MB: variants seen among roughly 807,000 people sequenced by gnomAD.
MB encodes nitrite reductase MB.
MB carries 10 observed loss-of-function variants against 14.5 expected under a neutral mutation model. The observed-to-expected ratio is 0.69, with a 90% CI of 0.43 to 1.17. The LOEUF is 1.17. MB is among the 50% of genes most tolerant of loss of function. The pLI, the probability that MB is intolerant of heterozygous loss-of-function variation, is 0.00. For missense variants in MB, 169 were observed against 192.7 expected, an observed-to-expected ratio of 0.88 and a Z score of 0.73; for synonymous variants, 89 against 78.6, an observed-to-expected ratio of 1.13 and a Z score of -0.70.
upstream of MB, among the ~76,000 whole-genome samples, chr22:35,618,327 C>A (rs1265350109): frequency 6.6e-6 from 1 of 152,212 alleles, no homozygotes; most frequent in Non-Finnish European, 1.5e-5. Flanking sequence ...TTGGGCCTCA[C>A]ATGGTGCTTT....
exon 1 of MB, chr22:35,623,276 C>G (rs955135032): frequency 2.0e-5 from 3 of 152,332 alleles, no homozygotes; most frequent in Non-Finnish European, 2.9e-5. Context: ...TGGCTAAGAA[C>G]TGGTCTAATT....
upstream of MB, among the ~76,000 whole-genome samples, chr22:35,621,295 C>A (rs987879890): frequency 2.6e-5 from 4 of 152,162 alleles, no homozygotes; most frequent in Admixed American, 2.6e-4. Context: ...CCAAGTCAGA[C>A]CTCCTCTTTT....
chr22:35,618,348 T>C (rs550376690), upstream of MB, among the ~76,000 whole-genome samples: 12 of 152,344 alleles, frequency 7.9e-5, no homozygotes, highest in South Asian at 2.5e-3. Context: ...GTGCCAAGTT[T>C]GAACTGAATA....
chr22:35,622,814 G>A lies in MB; in HGVS notation c.-9+377C>T, dbSNP rs370599664. ...GACAGAGACCAGCCCCGCCTCCACAGTCACCTAACCCCACATCCACCCATC... is the reference window on the plus strand; with the variant it reads ...GACAGAGACCAGCCCCGCCTCCACAATCACCTAACCCCACATCCACCCATC... On this transcript the variant is annotated intron_variant, in intron 1 of 3. Coordinates refer to the MB transcript ENST00000359787. Among the ~76,000 whole-genome samples, 42 of 151,516 alleles carry A rather than the reference G, an allele frequency of 2.8e-4. No individual in the cohort carries two copies. In the East Asian group the frequency reaches 3.1e-3, roughly 11 times the overall value.
At chr22:35,610,818 C>G in intron 2 of MB, 66 bp downstream of exon 2, 1 of 1,313,078 alleles carries the variant, frequency 7.6e-7, no homozygotes, top group Non-Finnish European at 1.1e-6. Context: ...GGACTCGAAC[C>G]CAGATCCCAT....
chr22:35,611,374 G>A (rs5750131), intron 1 of MB, among the ~76,000 whole-genome samples: 45,670 of 152,008 alleles, frequency 0.3, 8,600 homozygotes, highest in East Asian at 0.59. Flanking sequence ...TTACAGATGT[G>A]GAAACCGAGG....
chr22:35,618,629 G>A (rs185911141), upstream of MB, among the ~76,000 whole-genome samples: 16 of 147,844 alleles, frequency 1.1e-4, no homozygotes, highest in East Asian at 8.4e-4. Context: ...CCATCTATCC[G>A]ACATCCCTTA....
intron 2 of MB, 98 bp from the exon 3 acceptor site, chr22:35,607,541 A>G: frequency 8.0e-7 from 1 of 1,243,952 alleles, no homozygotes; most frequent in Non-Finnish European, 1.1e-6. Flanking sequence ...TTATTCCAGG[A>G]CCGTGTATTG....
At chr22:35,613,734 A>C (rs535670971) in intron 1 of MB, among the ~76,000 whole-genome samples, 1 of 152,240 alleles carries the variant, frequency 6.6e-6, no homozygotes, top group Non-Finnish European at 1.5e-5. Context: ...CCTGGACTCA[A>C]GCGATTCCCC....
intron 1 of MB, chr22:35,615,502 T>A (rs950508563): frequency 2.0e-5 from 3 of 152,390 alleles, no homozygotes; most frequent in South Asian, 2.1e-4. Flanking sequence ...GACGTACAAG[T>A]CACTGCCTTA....
intron 1 of MB, among the ~76,000 whole-genome samples, chr22:35,614,224 A>G (rs1228234492): frequency 1.3e-5 from 2 of 152,156 alleles, no homozygotes; most frequent in Non-Finnish European, 2.9e-5. Flanking sequence ...CTACTAGAAT[A>G]AAAGAACCAG....
Position 35,613,304 on chromosome 22 carries a change from A to G in MB, c.96-2198T>C, listed in dbSNP as rs533231135. Among the ~76,000 whole-genome samples the G allele has an allele frequency of 9.8e-5, 15 of 152,342 alleles. No homozygotes were observed. The East Asian group carries it at 2.7e-3, about 27-fold the overall frequency. On this transcript the variant is annotated intron_variant, in intron 1 of 2. Coordinates refer to ENST00000397326, the MANE Select transcript of MB (RefSeq NM_005368.3). ...GCCCCTGCCCTCTGATATCTAGGGA[A>G]GAGAACATGGGACTGACAGTTACGG...
At chr22:35,622,298 G>A (rs1200582201), upstream of MB, among the ~76,000 whole-genome samples, 2 of 150,102 alleles carry the variant, frequency 1.3e-5, no homozygotes, top group Non-Finnish European at 3.0e-5. Context: ...CTCCCTGGCA[G>A]AGTCTACCCT....
Position 35,608,567 on chromosome 22 carries a change from G to A in MB, c.319-1124C>T, listed in dbSNP as rs973389906. Among the ~76,000 whole-genome samples the A allele has an allele frequency of 6.6e-6, 1 of 152,180 alleles. No homozygotes were observed. Among genetic ancestry groups the A allele is most frequent in the Non-Finnish European group, 1.5e-5 (1 of 68,028 alleles). Reference sequence around the variant, plus strand: ...GGGAAAGAGGGGCAGCTCCACAAACGCCTACTCTTGGGCATCAAGGTGGAT... The same window carrying A: ...GGGAAAGAGGGGCAGCTCCACAAACACCTACTCTTGGGCATCAAGGTGGAT... On this transcript the variant is annotated intron_variant, in intron 2 of 2. Coordinates refer to ENST00000397326, the MANE Select transcript of MB (RefSeq NM_005368.3). The surrounding 1 kb of genome is among the most constrained non-coding windows in gnomAD (Gnocchi z 4.3).
rs1389741139 is a variant in MB, at chr22:35,607,066, G to C, written c.*231C>G. ...AGATCCAAACCATGCAGAACACAGT[G>C]AGCCAAGGGCCACTCCCGGTTCCCA... On this transcript the variant is annotated 3_prime_UTR_variant, in exon 3 of 3. Coordinates refer to ENST00000397326, the MANE Select transcript of MB (RefSeq NM_005368.3). 1 of 470,626 alleles carries C rather than the reference G, an allele frequency of 2.1e-6. No homozygotes were observed. The highest frequency in any genetic ancestry group is 1.9e-5 in the African/African-American group (1 of 51,946). The allele number at this position is 470,626 out of a possible 1,614,324, so 29.2% of individuals were successfully genotyped here. A position where few individuals can be genotyped will look rare whatever the true frequency, so the allele number is the denominator to read the frequency against.
At chr22:35,622,909 C>T (rs1371248370) in intron 1 of MB, among the ~76,000 whole-genome samples, 1 of 152,208 alleles carries the variant, frequency 6.6e-6, no homozygotes, top group Non-Finnish European at 1.5e-5. Context: ...CCCGCTCTAC[C>T]CATTCCCAGC....
intron 1 of MB, among the ~76,000 whole-genome samples, chr22:35,612,843 C>T (rs937393071): frequency 3.3e-5 from 5 of 152,200 alleles, no homozygotes; most frequent in Non-Finnish European, 7.3e-5. Flanking sequence ...CAGGCTCTCA[C>T]AGATGTGTGT....
At chr22:35,611,644 C>T (rs904937356) in intron 1 of MB, among the ~76,000 whole-genome samples, 2 of 152,194 alleles carry the variant, frequency 1.3e-5, no homozygotes, top group African/African-American at 4.8e-5. Context: ...CAAGCTGTGA[C>T]TCTCTGAACC....
upstream of MB, among the ~76,000 whole-genome samples, chr22:35,619,899 A>G (rs1458286171): frequency 6.6e-6 from 1 of 152,162 alleles, no homozygotes; most frequent in African/African-American, 2.4e-5. Context: ...CTAGCGACCA[A>G]AAGGGTCAGA....
Sources: allele counts gnomAD v4.1 joint callset (sites outside exome capture counted in the v4.1 genomes callset), GRCh38; gene constraint gnomAD v4.1.1; non-coding constraint Gnocchi (gnomAD v3.1); transcripts MANE v1.5; gene names NCBI Gene and HGNC (gene_info 2026-07-23, HGNC 2026-07-21).